Variants in ITGB5 observed in about 807,000 individuals in gnomAD.
ITGB5 encodes integrin beta-5.
ITGB5 carries 38 observed loss-of-function variants against 84.8 expected under a neutral mutation model. That is an observed-to-expected ratio of 0.45 (90% CI 0.35 to 0.59). ITGB5 has a LOEUF of 0.59. Among genes scored for constraint, ITGB5 ranks in the 20% least tolerant of loss-of-function variants. ITGB5 has a pLI of 0.01. For synonymous variants in ITGB5, 393 were observed against 414.4 expected, an observed-to-expected ratio of 0.95 and a Z score of 0.63; for missense variants, 905 against 1,034.5, an observed-to-expected ratio of 0.87 and a Z score of 1.72.
At chr3:124,851,864 C>G (rs908259065) in intron 3 of ITGB5, among the ~76,000 whole-genome samples, 4 of 152,152 alleles carry the variant, frequency 2.6e-5, no homozygotes, top group Non-Finnish European at 5.9e-5. Flanking sequence ...GACTGACATT[C>G]CTGGTCAGAT....
chr3:124,886,353 A>C (rs879547075), intron 1 of ITGB5, among the ~76,000 whole-genome samples: 1 of 33,206 alleles, frequency 3.0e-5, no homozygotes, highest in Admixed American at 2.9e-4. Flanking sequence ...GGGGGCGGGG[A>C]GGGTGGGGGC....
rs2063715422 is a variant in ITGB5 at position 124,763,022 on chromosome 3, A to G, written c.*601T>C. ...AAACAATCTTGTTTCTTTTCATTAT[A>G]AAAGTACTAAACAAACACGGACAGG... is the stretch of plus-strand genomic sequence containing the variant. On this transcript the variant is annotated 3_prime_UTR_variant, in exon 15 of 15. Transcript: ENST00000296181. 6.6e-6 allele frequency: 1 copy of G among 152,286 alleles called. No individual in the cohort carries two copies. Among genetic ancestry groups the G allele is most frequent in the Non-Finnish European group, 1.5e-5 (1 of 68,078 alleles). The allele number at this position is 152,286 out of a possible 1,614,324, so 9.4% of individuals were successfully genotyped here.
At chr3:124,771,605 AG>A (rs2063844900) in intron 11 of ITGB5, among the ~76,000 whole-genome samples, 3 of 151,978 alleles carry the variant, frequency 2.0e-5, no homozygotes, top group Non-Finnish European at 4.4e-5. Context: ...AAAATTAGCC[AG>A]GTGTGGTGGT....
intron 9 of ITGB5, among the ~76,000 whole-genome samples, chr3:124,808,091 A>G (rs778694680): frequency 2.0e-4 from 30 of 151,400 alleles, no homozygotes; most frequent in Non-Finnish European, 3.4e-4. Flanking sequence ...GCTACCAGCC[A>G]CGAGACTGTC....
At chr3:124,889,410 T>C (rs1292797363), upstream of ITGB5, among the ~76,000 whole-genome samples, 1 of 152,204 alleles carries the variant, frequency 6.6e-6, no homozygotes, top group Non-Finnish European at 1.5e-5. Flanking sequence ...TTACACATAT[T>C]GATTGATGTC....
chr3:124,785,605 A>C (rs1399615807), intron 10 of ITGB5, among the ~76,000 whole-genome samples: 34 of 151,430 alleles, frequency 2.2e-4, no homozygotes, highest in East Asian at 7.7e-4. Flanking sequence ...AAAAAACCCC[A>C]AAAAAACAAA....
intron 12 of ITGB5, among the ~76,000 whole-genome samples, chr3:124,767,957 T>C (rs535390539): frequency 4.6e-5 from 7 of 152,062 alleles, no homozygotes; most frequent in Non-Finnish European, 8.8e-5. Flanking sequence ...TGGTCCCAGC[T>C]ACTTGGGAGG....
intron 2 of ITGB5, among the ~76,000 whole-genome samples, chr3:124,859,790 T>C (rs1294165189): frequency 6.6e-6 from 1 of 152,112 alleles, no homozygotes; most frequent in Non-Finnish European, 1.5e-5. Flanking sequence ...TTTTTAAAAG[T>C]TGTTATATAT....
intron 4 of ITGB5, among the ~76,000 whole-genome samples, chr3:124,844,906 T>G (rs848805): frequency 6.6e-6 from 1 of 152,244 alleles, no homozygotes; most frequent in Non-Finnish European, 1.5e-5. Context: ...GACATCTCCA[T>G]TTGAAAAATT....
At chr3:124,897,112 C>T (rs1221405744) in intron 1 of ITGB5, among the ~76,000 whole-genome samples, 3 of 152,148 alleles carry the variant, frequency 2.0e-5, no homozygotes, top group African/African-American at 7.2e-5. Context: ...CCTCCAAAGG[C>T]CCTATCCCTG....
At chr3:124,885,202 G>A (rs988509406) in intron 1 of ITGB5, among the ~76,000 whole-genome samples, 3 of 152,094 alleles carry the variant, frequency 2.0e-5, no homozygotes, top group Non-Finnish European at 2.9e-5. Context: ...CCTGGGAGGT[G>A]GAGGTTGCAG....
intron 8 of ITGB5, among the ~76,000 whole-genome samples, chr3:124,813,920 A>T (rs974551561): frequency 6.6e-6 from 1 of 152,132 alleles, no homozygotes; most frequent in Non-Finnish European, 1.5e-5. Flanking sequence ...TCCCCTGGCA[A>T]CCAGCCACCA....
At chr3:124,883,797 T>C (rs910605509) in intron 1 of ITGB5, among the ~76,000 whole-genome samples, 3 of 152,180 alleles carry the variant, frequency 2.0e-5, no homozygotes, top group Non-Finnish European at 2.9e-5. Flanking sequence ...AAAGGCAGCG[T>C]GGAAAAGCCT....
At chr3:124,858,316 G>A (rs1408589507) in intron 3 of ITGB5, among the ~76,000 whole-genome samples, 1 of 152,036 alleles carries the variant, frequency 6.6e-6, no homozygotes, top group Non-Finnish European at 1.5e-5. Context: ...CACTCTAAAA[G>A]TTTGTCCTTG....
At chr3:124,859,482 GT>G in intron 2 of ITGB5, 36 bp from the exon 3 acceptor site, 2 of 1,568,024 alleles carry the variant, frequency 1.3e-6, no homozygotes, top group Non-Finnish European at 1.7e-6. Flanking sequence ...GCAGGAGGTG[GT>G]CAGGGTGTCT....
At chr3:124,785,091 G>C (rs940542873) in intron 10 of ITGB5, among the ~76,000 whole-genome samples, 4 of 152,202 alleles carry the variant, frequency 2.6e-5, no homozygotes, top group African/African-American at 9.6e-5. Context: ...CCTAGGGTTA[G>C]GGGAGGTAGA....
chr3:124,817,695 T>C lies in ITGB5; in HGVS notation c.1054A>G (p.Ile352Val). 3.2e-6 allele frequency: 5 copies of C among 1,587,194 alleles called. No individual in the cohort carries two copies. The highest frequency in any genetic ancestry group is 4.3e-6 in the Non-Finnish European group (5 of 1,166,514). Residue 352 changes from isoleucine to valine, a missense_variant, in exon 8 of 15, where the codon ATA becomes GTA. Physicochemically the swap from Ile to Val is conservative, Grantham distance 29. Coordinates refer to ENST00000296181, the MANE Select transcript of ITGB5 (RefSeq NM_002213.5). ...YMLYKNFTAL[I>V]PGTTVEILDG... The stretch of plus-strand genomic sequence containing the variant: ...AAAATCTCCACCGTTGTTCCAGGTA[T>C]CAGGGCTGTAAAATTCTTGGGAAAA...
chr3:124,821,319 G>A lies in ITGB5; in HGVS notation c.936C>T (p.Asn312=), dbSNP rs185706140. 5 of 1,612,996 alleles carry A rather than the reference G, an allele frequency of 3.1e-6. No homozygotes were observed. The South Asian group carries it at 4.4e-5, about 14-fold the overall frequency. ...LNEANEYTAS[N]QMDYPSLALL... is the part of the protein sequence containing the mutation. Reference sequence around the variant, plus strand: ...TCTGGTTCCCGGCACTCACCATCTGGTTGGATGCAGTGTACTCGTTGGCCT... The same window carrying A: ...TCTGGTTCCCGGCACTCACCATCTGATTGGATGCAGTGTACTCGTTGGCCT... Residue 312 remains asparagine, a synonymous_variant, in exon 6 of 15, where the codon AAC becomes AAT. Coordinates refer to ENST00000296181, the MANE Select transcript of ITGB5 (RefSeq NM_002213.5).
At chr3:124,795,798 G>A (rs573287915) in intron 10 of ITGB5, among the ~76,000 whole-genome samples, 1 of 152,192 alleles carries the variant, frequency 6.6e-6, no homozygotes, top group African/African-American at 2.4e-5. Context: ...AAAGAATACA[G>A]GTGGCCTCTA....
Sources: allele counts gnomAD v4.1 joint callset (sites outside exome capture counted in the v4.1 genomes callset), GRCh38; gene constraint gnomAD v4.1.1; transcripts MANE v1.5; gene names NCBI Gene and HGNC (gene_info 2026-07-23, HGNC 2026-07-21).